Variants in ARID5B observed in about 807,000 individuals in gnomAD.
ARID5B encodes AT-rich interactive domain-containing protein 5B.
ARID5B carries 13 observed loss-of-function variants against 97.2 expected under a neutral mutation model. The observed-to-expected ratio is 0.13, with a 90% CI of 0.09 to 0.21. ARID5B has a LOEUF of 0.21. ARID5B is among the 10% of genes least tolerant of loss of function. The probability of loss-of-function intolerance (pLI) is 1.00; values close to 1 mark genes in which losing one functional copy is unlikely to be tolerated. For synonymous variants in ARID5B, 556 were observed against 570.3 expected, an observed-to-expected ratio of 0.97 and a Z score of 0.36; for missense variants, 1,210 against 1,465.3, an observed-to-expected ratio of 0.83 and a Z score of 2.84.
At chr10:61,954,251 G>A (rs1838361318) in intron 3 of ARID5B, among the ~76,000 whole-genome samples, 1 of 152,018 alleles carries the variant, frequency 6.6e-6, no homozygotes, top group African/African-American at 2.4e-5. Context: ...CAGCTACTCG[G>A]GAGGCTGAGG....
At chr10:62,013,793 G>GGTAT (rs928895068) in intron 4 of ARID5B, among the ~76,000 whole-genome samples, 1 of 64,500 alleles carries the variant, frequency 1.6e-5, no homozygotes, top group Non-Finnish European at 2.9e-5. Flanking sequence ...TATTCCATTG[G>GGTAT]GTATATATAT....
chr10:61,941,559 C>A lies in ARID5B; in HGVS notation c.502+1151C>A, dbSNP rs182331691. ...CCAGAACTTAACTATTACAACAAACCTAGGCAATTTATTTTAATTGGCATA... is the reference window on the plus strand; with the variant it reads ...CCAGAACTTAACTATTACAACAAACATAGGCAATTTATTTTAATTGGCATA... On this transcript the variant is annotated intron_variant, in intron 3 of 9. Coordinates refer to ENST00000279873, the MANE Select transcript of ARID5B (RefSeq NM_032199.3). Among the ~76,000 whole-genome samples the A allele has an allele frequency of 3.3e-5, 5 of 151,762 alleles. No individual in the cohort carries two copies. In the East Asian group the frequency reaches 9.7e-4, roughly 29 times the overall value.
intron 8 of ARID5B, among the ~76,000 whole-genome samples, chr10:62,076,483 T>C (rs1286413396): frequency 7.0e-6 from 1 of 142,504 alleles, no homozygotes; most frequent in South Asian, 2.3e-4. Context: ...GATGGCTGAA[T>C]ATGGGAAGTG....
intron 2 of ARID5B, among the ~76,000 whole-genome samples, chr10:61,935,684 C>T (rs1328571254): frequency 4.0e-5 from 6 of 151,694 alleles, no homozygotes; most frequent in East Asian, 1.9e-4. Flanking sequence ...TGTTAAAATT[C>T]GCAGAACTGT....
chr10:62,079,087 A>G (rs1398347444), intron 8 of ARID5B, among the ~76,000 whole-genome samples: 2 of 152,224 alleles, frequency 1.3e-5, no homozygotes, highest in African/African-American at 2.4e-5. Context: ...GAAAAGGAGA[A>G]TGCTCACTCC....
At chr10:62,036,249 C>A (rs1263331688) in intron 4 of ARID5B, among the ~76,000 whole-genome samples, 1 of 152,152 alleles carries the variant, frequency 6.6e-6, no homozygotes, top group African/African-American at 2.4e-5. Flanking sequence ...GTGCTTGGGA[C>A]CTCTGAGGCA....
At chr10:62,043,055 C>T (rs1338882985) in intron 4 of ARID5B, among the ~76,000 whole-genome samples, 1 of 152,246 alleles carries the variant, frequency 6.6e-6, no homozygotes, top group East Asian at 1.9e-4. Context: ...GATGCATAGG[C>T]TCTTGCACAG....
At chr10:61,997,375 A>G (rs1839015635) in intron 3 of ARID5B, among the ~76,000 whole-genome samples, 2 of 152,068 alleles carry the variant, frequency 1.3e-5, no homozygotes, top group African/African-American at 4.8e-5. Context: ...CATCATCATG[A>G]AAAATGGTTA....
At chr10:62,042,288 G>T (rs1839647777) in intron 4 of ARID5B, among the ~76,000 whole-genome samples, 1 of 152,184 alleles carries the variant, frequency 6.6e-6, no homozygotes, top group Non-Finnish European at 1.5e-5. Flanking sequence ...CATTGTAATA[G>T]CTTCTGTGCA....
At chr10:62,062,234 T>C (rs183701310) in intron 7 of ARID5B, among the ~76,000 whole-genome samples, 133 of 152,230 alleles carry the variant, frequency 8.7e-4, no homozygotes, top group Non-Finnish European at 1.6e-3. Context: ...AGGACACTTA[T>C]CTTTGACATG....
intron 9 of ARID5B, among the ~76,000 whole-genome samples, chr10:62,086,528 C>T (rs370540758): frequency 1.8e-4 from 27 of 151,684 alleles, no homozygotes; most frequent in South Asian, 1.0e-3. Context: ...GGTGAAACCC[C>T]GTCTCTACTA....
intron 5 of ARID5B, among the ~76,000 whole-genome samples, chr10:62,055,444 G>T (rs1402930394): frequency 6.6e-6 from 1 of 152,144 alleles, no homozygotes; most frequent in African/African-American, 2.4e-5. Flanking sequence ...GAGCCTGGCT[G>T]CCCAGGAAAC....
chr10:61,920,889 A>G (rs1427484980), intron 2 of ARID5B, among the ~76,000 whole-genome samples: 5 of 152,192 alleles, frequency 3.3e-5, no homozygotes, highest in Non-Finnish European at 7.3e-5. Flanking sequence ...GCAAGATTAT[A>G]TGGCCTCTTT....
chr10:61,947,261 C>CT lies in ARID5B; in HGVS notation c.502+6878dup, dbSNP rs199587188. On this transcript the variant is annotated intron_variant, in intron 3 of 9. Transcript: ENST00000279873. ...ACCAGTATATCTTCTCACTTACTTT[C>CT]TTTTTTTTTTTTTTTTTTTTTTTTT... 8.1e-3 allele frequency among the ~76,000 whole-genome samples: 1,001 copies of CT among 124,036 alleles called. 28 individuals carry two copies. Among genetic ancestry groups the CT allele is most frequent in the Non-Finnish European group, 0.011 (628 of 59,380 alleles). 81.4% of individuals were successfully genotyped at this position (124,036 alleles called of 152,430 possible).
chr10:61,997,289 G>T (rs1839013976), intron 3 of ARID5B, among the ~76,000 whole-genome samples: 1 of 151,870 alleles, frequency 6.6e-6, no homozygotes, highest in South Asian at 2.1e-4. Context: ...AAAAAAAGAG[G>T]TCATTTCTAG....
intron 4 of ARID5B, among the ~76,000 whole-genome samples, chr10:62,038,220 T>C (rs1366142530): frequency 1.3e-5 from 2 of 152,166 alleles, no homozygotes; most frequent in Admixed American, 1.3e-4. Flanking sequence ...AAAAGATAAA[T>C]ACCCAATTGG....
At chr10:61,953,099 G>A (rs1289298041) in intron 3 of ARID5B, among the ~76,000 whole-genome samples, 1 of 151,900 alleles carries the variant, frequency 6.6e-6, no homozygotes, top group Non-Finnish European at 1.5e-5. Context: ...CTTATTCTAG[G>A]CAATCACACC....
At chr10:62,075,957 C>T (rs1001502749) in intron 8 of ARID5B, among the ~76,000 whole-genome samples, 2 of 152,196 alleles carry the variant, frequency 1.3e-5, no homozygotes, top group Non-Finnish European at 2.9e-5. Context: ...GGACATCTGC[C>T]ATGTGCAGAG....
intron 8 of ARID5B, among the ~76,000 whole-genome samples, chr10:62,070,840 A>AT (rs1322603210): frequency 6.6e-6 from 1 of 152,102 alleles, no homozygotes; most frequent in Non-Finnish European, 1.5e-5. Flanking sequence ...CAACACATCA[A>AT]TTTTTAAAAT....
Sources: gnomAD v4.1 joint callset for allele counts (sites outside exome capture counted in the v4.1 genomes callset) on GRCh38, gnomAD v4.1.1 for gene constraint, MANE v1.5 for transcripts, NCBI Gene and HGNC (gene_info 2026-07-23, HGNC 2026-07-21) for gene names.